Variants in ATXN1 observed in about 807,000 individuals in gnomAD.
The protein encoded by ATXN1 is ataxin-1.
In ATXN1, 8 loss-of-function variants were observed where a neutral mutation model predicts 56.4. That is an observed-to-expected ratio of 0.14 (90% CI 0.08 to 0.26). ATXN1 has a LOEUF of 0.26. ATXN1 is among the 10% of genes least tolerant of loss of function. ATXN1 has a pLI of 1.00. For synonymous variants in ATXN1, 514 were observed against 494.6 expected, an observed-to-expected ratio of 1.04 and a Z score of -0.52; for missense variants, 987 against 1,106.5, an observed-to-expected ratio of 0.89 and a Z score of 1.53.
chr6:16,691,190 CATT>C (rs1759039622), intron 2 of ATXN1, among the ~76,000 whole-genome samples: 2 of 152,180 alleles, frequency 1.3e-5, no homozygotes, highest in Admixed American at 1.3e-4. Context: ...GGTCCCAAAT[CATT>C]ATTTGCTCCT....
chr6:16,329,256 A>AGGTTAGC (rs1187221057), intron 6 of ATXN1, among the ~76,000 whole-genome samples: 4 of 152,158 alleles, frequency 2.6e-5, no homozygotes, highest in African/African-American at 9.7e-5. Context: ...AGAGCCAGGC[A>AGGTTAGC]CTGAGAAAAA....
At chr6:16,721,463 C>CA (rs1759744115) in intron 2 of ATXN1, among the ~76,000 whole-genome samples, 1 of 151,940 alleles carries the variant, frequency 6.6e-6, no homozygotes, top group Non-Finnish European at 1.5e-5. Context: ...CTCGTCTCTA[C>CA]AAAAAATTTG....
chr6:16,431,602 T>C (rs1004048076), intron 6 of ATXN1, among the ~76,000 whole-genome samples: 3 of 152,162 alleles, frequency 2.0e-5, no homozygotes, highest in African/African-American at 7.2e-5. Context: ...ATCTATTGGG[T>C]ATTTAACTAT....
chr6:16,613,894 A>G (rs531631228), intron 3 of ATXN1, among the ~76,000 whole-genome samples: 1 of 152,278 alleles, frequency 6.6e-6, no homozygotes, highest in Non-Finnish European at 1.5e-5. Flanking sequence ...CTTTAATATT[A>G]ATTTAAGAAG....
intron 3 of ATXN1, among the ~76,000 whole-genome samples, chr6:16,652,559 A>T (rs921264162): frequency 1.3e-5 from 2 of 152,204 alleles, no homozygotes; most frequent in African/African-American, 2.4e-5. Context: ...ATAATTTTTT[A>T]AAAATCTCGC....
chr6:16,412,693 G>C (rs2143452), intron 6 of ATXN1, among the ~76,000 whole-genome samples: 60,634 of 151,980 alleles, frequency 0.4, 13,274 homozygotes, highest in East Asian at 0.92. Flanking sequence ...GAAATTTGAA[G>C]GGTACGCAAA....
chr6:16,632,477 A>T (rs1458634683), intron 3 of ATXN1, among the ~76,000 whole-genome samples: 4 of 152,192 alleles, frequency 2.6e-5, no homozygotes, highest in Admixed American at 1.3e-4. Flanking sequence ...ATTTGAATTC[A>T]CACAGGCAAG....
At chr6:16,600,458 AT>A (rs1762892507) in intron 3 of ATXN1, among the ~76,000 whole-genome samples, 1 of 152,194 alleles carries the variant, frequency 6.6e-6, no homozygotes, top group Non-Finnish European at 1.5e-5. Flanking sequence ...TGCTAATCAA[AT>A]TCATCTCCTC....
chr6:16,738,002 C>T (rs1473124386), intron 2 of ATXN1: 2 of 152,216 alleles, frequency 1.3e-5, no homozygotes, highest in East Asian at 1.9e-4. Flanking sequence ...CTTTATTCCT[C>T]GAGAAGCTTT....
At chr6:16,394,918 T>G (rs1317239762) in intron 6 of ATXN1, among the ~76,000 whole-genome samples, 2 of 152,184 alleles carry the variant, frequency 1.3e-5, no homozygotes, top group African/African-American at 4.8e-5. Context: ...CAGTAGCATG[T>G]TGGAGCCAGG....
chr6:16,410,713 G>C lies in ATXN1; in HGVS notation c.-161+75259C>G, dbSNP rs897164925. On this transcript the variant is annotated intron_variant, in intron 6 of 7. Coordinates refer to ENST00000436367, the MANE Select transcript of ATXN1 (RefSeq NM_001128164.2). This position sits in a 1 kb window ranked among gnomAD's most constrained non-coding sequence, Gnocchi z 4.6. ...CCTCCAATGAACTACAAGCTTGTCA[G>C]AATTACATCTATTCAGGTCATATAC... is the stretch of plus-strand genomic sequence containing the variant. Among the ~76,000 whole-genome samples the C allele has an allele frequency of 2.6e-5, 4 of 152,184 alleles. No homozygotes were observed. The highest frequency in any genetic ancestry group is 2.6e-4 in the Admixed American group (4 of 15,288).
At chr6:16,546,374 C>A (rs1174665066) in intron 4 of ATXN1, among the ~76,000 whole-genome samples, 1 of 152,136 alleles carries the variant, frequency 6.6e-6, no homozygotes, top group African/African-American at 2.4e-5. Flanking sequence ...GCCATCATGT[C>A]CAACTGTGAT....
In ATXN1 at chr6:16,302,768, A is replaced by G. The variant is rs1760142467; in HGVS notation, c.*3561T>C. 1 of 152,694 alleles carries G rather than the reference A, an allele frequency of 6.5e-6. No homozygotes were observed. Among genetic ancestry groups the G allele is most frequent in the Non-Finnish European group, 1.5e-5 (1 of 68,054 alleles). 9.5% of individuals were successfully genotyped at this position (152,694 alleles called of 1,614,324 possible). A position where few individuals can be genotyped will look rare whatever the true frequency, so the allele number is the denominator to read the frequency against. On this transcript the variant is annotated 3_prime_UTR_variant, in exon 8 of 8. Coordinates refer to ENST00000436367, the MANE Select transcript of ATXN1 (RefSeq NM_001128164.2). ...TACTAGTTTAAAAATGGAAAACAGG[A>G]AAGAAAGAACAAAAGACGGCTGTCG...
intron 4 of ATXN1, among the ~76,000 whole-genome samples, chr6:16,528,429 C>G (rs913378990): frequency 6.6e-6 from 1 of 152,118 alleles, no homozygotes. Flanking sequence ...TAAAACCATG[C>G]GGTTTAGATT....
intron 4 of ATXN1, among the ~76,000 whole-genome samples, chr6:16,577,927 G>A (rs988083398): frequency 9.9e-5 from 15 of 152,040 alleles, no homozygotes; most frequent in South Asian, 2.1e-4. Flanking sequence ...ATAGAGATGC[G>A]GAAAAAACCC....
intron 3 of ATXN1, among the ~76,000 whole-genome samples, chr6:16,644,563 G>GGTGTGTGTGTGTGTGT (rs113345902): frequency 1.4e-5 from 2 of 142,922 alleles, no homozygotes; most frequent in African/African-American, 5.2e-5. Flanking sequence ...TAAATTTTAT[G>GGTGTGTGTGTGTGTGT]GTGTGTGTGT....
chr6:16,721,195 C>A (rs1759738482), intron 2 of ATXN1, among the ~76,000 whole-genome samples: 1 of 152,224 alleles, frequency 6.6e-6, no homozygotes, highest in Non-Finnish European at 1.5e-5. Context: ...TCATGCCGAG[C>A]AATTTCTAAT....
chr6:16,671,243 C>G (rs1320081444), intron 2 of ATXN1, among the ~76,000 whole-genome samples: 1 of 151,600 alleles, frequency 6.6e-6, no homozygotes, highest in Non-Finnish European at 1.5e-5. Flanking sequence ...ATGGATCATG[C>G]CTTTACAAAG....
intron 1 of ATXN1, among the ~76,000 whole-genome samples, chr6:16,758,728 C>G (rs997285159): frequency 1.3e-5 from 2 of 151,922 alleles, no homozygotes; most frequent in Non-Finnish European, 2.9e-5. Context: ...AGTAAGTGCA[C>G]CGAAAACCTA....
Sources: allele counts gnomAD v4.1 joint callset (sites outside exome capture counted in the v4.1 genomes callset), GRCh38; gene constraint gnomAD v4.1.1; non-coding constraint Gnocchi (gnomAD v3.1); transcripts MANE v1.5; gene names NCBI Gene and HGNC (gene_info 2026-07-23, HGNC 2026-07-21).